Variants in SYNJ1 observed in about 807,000 individuals in gnomAD.
The protein encoded by SYNJ1 is synaptojanin 1, also known as polyphosphatidylinositol phosphatase SYNJ1.
A neutral mutation model predicts 168.2 loss-of-function variants in SYNJ1; 78 were observed. That is an observed-to-expected ratio of 0.46 (90% CI 0.39 to 0.56). The LOEUF (loss-of-function observed/expected upper bound fraction) is 0.56. SYNJ1 is among the 20% of genes least tolerant of loss of function. The pLI, the probability that SYNJ1 is intolerant of heterozygous loss-of-function variation, is 0.00. For missense variants in SYNJ1, 1,303 were observed against 1,597.6 expected (o/e 0.82, Z 3.14); for synonymous variants, 539 against 548.6 (o/e 0.98, Z 0.24).
At chr21:32,694,363 C>T in intron 5 of SYNJ1, 52 bp from the exon 6 acceptor site, 2 of 1,386,564 alleles carry the variant, frequency 1.4e-6, no homozygotes, top group Non-Finnish European at 9.7e-7. Flanking sequence ...AGTTGTTACA[C>T]TTACATTAGA....
intron 27 of SYNJ1, 146 bp downstream of exon 27, chr21:32,643,264 T>A (rs2039921785): frequency 1.4e-6 from 1 of 733,840 alleles, no homozygotes; most frequent in Non-Finnish European, 2.3e-6. Flanking sequence ...AAATACAAGG[T>A]ATACATAAGG....
intron 2 of SYNJ1, among the ~76,000 whole-genome samples, chr21:32,704,113 CATA>C (rs1314307310): frequency 1.3e-5 from 2 of 152,186 alleles, no homozygotes; most frequent in Non-Finnish European, 2.9e-5. Flanking sequence ...TCTAATAATG[CATA>C]ATAACTATCT....
intron 2 of SYNJ1, among the ~76,000 whole-genome samples, chr21:32,715,885 T>TA (rs1238648844): frequency 2.0e-5 from 3 of 152,098 alleles, no homozygotes; most frequent in African/African-American, 4.8e-5. Context: ...AAGTAATGAG[T>TA]ATCCAACCAA....
At chr21:32,661,082 A>G (rs1009232294) in intron 18 of SYNJ1, among the ~76,000 whole-genome samples, 19 of 152,228 alleles carry the variant, frequency 1.2e-4, no homozygotes, top group African/African-American at 4.3e-4. Flanking sequence ...GAAGTGGGGC[A>G]AGTAATAAAA....
chr21:32,647,570 T>G (rs899646508), intron 23 of SYNJ1, among the ~76,000 whole-genome samples: 2 of 152,230 alleles, frequency 1.3e-5, no homozygotes, highest in Non-Finnish European at 2.9e-5. Flanking sequence ...CTCTTTTGAT[T>G]TCTTCAGAAG....
Position 32,695,877 on chromosome 21 carries a change from C to T in SYNJ1, c.480-595G>A, listed in dbSNP as rs192955477. ...TTTTTTCTTTTTTGAGACGGAGTCT[C>T]GCTCTGTCGCCCAGGTTGGAGTGCA... On this transcript the variant is annotated intron_variant, in intron 4 of 32. Coordinates refer to ENST00000674351, the MANE Select transcript of SYNJ1 (RefSeq NM_203446.3). Among the ~76,000 whole-genome samples, 538 of 150,268 alleles carry T rather than the reference C, an allele frequency of 3.6e-3. 5 individuals are homozygous for T. Among genetic ancestry groups the T allele is most frequent in the African/African-American group, 0.011 (441 of 40,704 alleles).
intron 2 of SYNJ1, among the ~76,000 whole-genome samples, chr21:32,707,599 A>C (rs985693389): frequency 3.3e-5 from 5 of 152,036 alleles, no homozygotes; most frequent in African/African-American, 1.2e-4. Flanking sequence ...CTCGCAAAGT[A>C]CTGGGATTAC....
In SYNJ1 at chr21:32,639,134, C is replaced by T. The variant is rs537149886; in HGVS notation, c.3698-9G>A. ...AGGAAGGAAAGTTGAACCTAAAAAACCAGTGGTTGTCAGATGTTAGGTATA... is the reference window on the plus strand; with the variant it reads ...AGGAAGGAAAGTTGAACCTAAAAAATCAGTGGTTGTCAGATGTTAGGTATA... On this transcript the variant is annotated splice_polypyrimidine_tract_variant and intron_variant, in intron 30 of 32. Coordinates refer to ENST00000674351, the MANE Select transcript of SYNJ1 (RefSeq NM_203446.3). The T allele has an allele frequency of 1.2e-6, 2 of 1,608,382 alleles. No homozygotes were observed. Among genetic ancestry groups the T allele is most frequent in the East Asian group, 4.5e-5 (2 of 44,800 alleles).
chr21:32,728,005 G>C lies in SYNJ1; in HGVS notation c.-82C>G, dbSNP rs1326827932. The C allele has an allele frequency of 6.5e-7, 1 of 1,536,206 alleles. No individual in the cohort carries two copies. The highest frequency in any genetic ancestry group is 2.5e-5 in the East Asian group (1 of 40,690). On this transcript the variant is annotated 5_prime_UTR_variant, in exon 1 of 33. Transcript: ENST00000674351. ...AGCCGCCGCCACAGCCGCCGGGAGC[G>C]TCACTTCCGCTCCAGCAGGCCCATC...
At chr21:32,643,595 TATC>T (rs1331812477) in intron 26 of SYNJ1, 138 bp from the exon 27 acceptor site, 2 of 842,880 alleles carry the variant, frequency 2.4e-6, no homozygotes, top group East Asian at 5.3e-5. Flanking sequence ...TCTTCAAAGA[TATC>T]AATACAAACC....
intron 5 of SYNJ1, among the ~76,000 whole-genome samples, 158 bp from the exon 6 acceptor site, chr21:32,694,469 C>CT (rs1282202124): frequency 6.6e-6 from 1 of 151,916 alleles, no homozygotes; most frequent in Non-Finnish European, 1.5e-5. Flanking sequence ...ACAGGTTTGA[C>CT]TTTTTTTTCT....
chr21:32,719,113 A>G (rs951218777), intron 2 of SYNJ1, among the ~76,000 whole-genome samples: 12 of 152,362 alleles, frequency 7.9e-5, no homozygotes, highest in African/African-American at 2.6e-4. Context: ...TGAATGAAAT[A>G]AAGTGTGTCA....
chr21:32,705,914 G>C (rs929924368), intron 2 of SYNJ1, among the ~76,000 whole-genome samples: 2 of 152,152 alleles, frequency 1.3e-5, no homozygotes, highest in African/African-American at 4.8e-5. Context: ...TTGAGCCTGG[G>C]AAGTCAAGGC....
intron 18 of SYNJ1, among the ~76,000 whole-genome samples, chr21:32,663,611 G>A (rs1197290792): frequency 4.6e-5 from 7 of 152,120 alleles, no homozygotes; most frequent in African/African-American, 7.2e-5. Context: ...TATGCTGCCC[G>A]AGAAAAGAGA....
At chr21:32,665,721 A>G (rs1396455049) in intron 17 of SYNJ1, among the ~76,000 whole-genome samples, 5 of 152,196 alleles carry the variant, frequency 3.3e-5, no homozygotes, top group East Asian at 3.8e-4. Flanking sequence ...TCTGGAGGCT[A>G]TATCATGGCC....
chr21:32,637,036 A>G (rs542684704), intron 31 of SYNJ1, among the ~76,000 whole-genome samples: 1 of 152,304 alleles, frequency 6.6e-6, no homozygotes, highest in South Asian at 2.1e-4. Context: ...TGAGAAAATG[A>G]TATGTGTCTT....
intron 31 of SYNJ1, among the ~76,000 whole-genome samples, chr21:32,637,399 CTTTTTTCTTTTTTT>C (rs2039620068): frequency 7.3e-6 from 1 of 137,408 alleles, no homozygotes; most frequent in Middle Eastern, 4.1e-3. Context: ...CTCAATTTTT[CTTTTTTCTTTTTTT>C]TTTTTTTTTT....
Position 32,702,048 on chromosome 21 carries a change from C to A in SYNJ1, c.125-1G>T. 1.3e-6 allele frequency: 2 copies of A among 1,544,630 alleles called. No individual in the cohort carries two copies. The highest frequency in any genetic ancestry group is 1.3e-5 in the South Asian group (1 of 78,094). ...TTGATTGCCTCTTTTTCTGCAGATG[C>A]TACAAAAAAAAGTTTTAGTTTAAGA... On this transcript the variant is annotated splice_acceptor_variant, in intron 2 of 32. Transcript: ENST00000674351. LOFTEE classifies it high-confidence loss of function.
In SYNJ1 at chr21:32,631,004, T is replaced by C. The variant is rs747065956; in HGVS notation, c.*801A>G. 16 of 1,610,760 alleles carry C rather than the reference T, an allele frequency of 9.9e-6. No individual in the cohort carries two copies. Among genetic ancestry groups the C allele is most frequent in the Non-Finnish European group, 1.7e-6 (2 of 1,178,168 alleles). On this transcript the variant is annotated 3_prime_UTR_variant, in exon 33 of 33. Transcript: ENST00000674351. ...TTTCTATTGCATGGCGTTATCTTTC[T>C]GTAAAGTCCAGTGTGGGTGAAGCCT... is the stretch of plus-strand genomic sequence containing the variant.
Sources: gnomAD v4.1 joint callset for allele counts (sites outside exome capture counted in the v4.1 genomes callset) on GRCh38, gnomAD v4.1.1 for gene constraint, MANE v1.5 for transcripts, NCBI Gene and HGNC (gene_info 2026-07-23, HGNC 2026-07-21) for gene names.